The following SLC4A1AP variants were observed in gnomAD, a reference collection of about 807,000 sequenced individuals.
The protein encoded by SLC4A1AP is solute carrier family 4 member 1 adaptor protein.
In SLC4A1AP, 64 loss-of-function variants were observed where a neutral mutation model predicts 89.7. The observed-to-expected ratio is 0.71, with a 90% CI of 0.58 to 0.88. SLC4A1AP has a LOEUF of 0.88. SLC4A1AP is among the 40% of genes least tolerant of loss of function. The probability of loss-of-function intolerance (pLI) is 0.00; values close to 1 mark genes in which losing one functional copy is unlikely to be tolerated. For synonymous variants in SLC4A1AP, 366 were observed against 353.3 expected (o/e 1.04, Z -0.40); for missense variants, 931 against 965.0 (o/e 0.96, Z 0.47).
intron 11 of SLC4A1AP, 32 bp from the exon 12 acceptor site, chr2:27,688,668 T>C (rs1675743774): frequency 2.0e-6 from 3 of 1,466,888 alleles, no homozygotes; most frequent in Non-Finnish European, 2.8e-6. Context: ...ATACTGAAAA[T>C]AGCTATTGCC....
chr2:27,679,538 C>G (rs889660777), intron 8 of SLC4A1AP, among the ~76,000 whole-genome samples: 3 of 152,020 alleles, frequency 2.0e-5, no homozygotes, highest in Non-Finnish European at 4.4e-5. Flanking sequence ...GAAGGTGGAG[C>G]TGGCAGTGAG....
At chr2:27,682,917 T>A (rs1675643821) in intron 9 of SLC4A1AP, among the ~76,000 whole-genome samples, 1 of 152,236 alleles carries the variant, frequency 6.6e-6, no homozygotes, top group Admixed American at 6.5e-5. Context: ...TAAATTAGAA[T>A]CATAGTTTAT....
intron 8 of SLC4A1AP, among the ~76,000 whole-genome samples, chr2:27,681,044 G>T (rs925316676): frequency 5.3e-5 from 8 of 152,064 alleles, no homozygotes; most frequent in Non-Finnish European, 1.0e-4. Flanking sequence ...AAGCAATCTT[G>T]ATTGTGATTC....
intron 12 of SLC4A1AP, 82 bp from the exon 13 acceptor site, chr2:27,693,603 A>G (rs898202288): frequency 6.4e-6 from 7 of 1,093,106 alleles, no homozygotes; most frequent in East Asian, 2.6e-5. Flanking sequence ...GAGGCTAACA[A>G]TAGGACCCCA....
Position 27,667,250 on chromosome 2 carries a change from C to CT in SLC4A1AP, c.1022-14dup. 6.3e-7 allele frequency: 1 copy of CT among 1,594,040 alleles called. No individual in the cohort carries two copies. Among genetic ancestry groups the CT allele is most frequent in the Non-Finnish European group, 8.5e-7 (1 of 1,172,626 alleles). On this transcript the variant is annotated splice_polypyrimidine_tract_variant and intron_variant, in intron 2 of 13. Transcript: ENST00000613058. ...TCTCATGTCTGATTATCTTTTCTTT[C>CT]TTTTCCATATCCTGTAGGAGAAGAT...
At chr2:27,678,180 C>T (rs1166435816) in intron 8 of SLC4A1AP, among the ~76,000 whole-genome samples, 1 of 152,004 alleles carries the variant, frequency 6.6e-6, no homozygotes, top group Non-Finnish European at 1.5e-5. Context: ...GTTTTTTTTA[C>T]TTAATCTTTT....
In SLC4A1AP at chr2:27,664,248, C is replaced by G. The variant is rs762039280; in HGVS notation, c.496C>G (p.Pro166Ala). The G allele has an allele frequency of 3.7e-6, 6 of 1,614,204 alleles. No homozygotes were observed. In the South Asian group the frequency reaches 4.4e-5, roughly 12 times the overall value. Residue 166 changes from proline (P) to alanine (A), a missense_variant, in exon 1 of 14, where the codon CCC becomes GCC. Coordinates refer to ENST00000613058, the Ensembl canonical transcript of SLC4A1AP. ...TCCATGGGGTGGCCCTGCCACAGCC[C>G]CCTACAGCTTAGAGACCCTGAAGGG...
chr2:27,665,160 C>G, exon 2 of SLC4A1AP: 1 of 1,613,106 alleles, frequency 6.2e-7, no homozygotes, highest in Non-Finnish European at 8.5e-7. Flanking sequence ...GAAGGAATTG[C>G]GCAAGCAGCA....
chr2:27,673,429 TCCC>T (rs1675461811), intron 5 of SLC4A1AP, among the ~76,000 whole-genome samples: 2 of 51,122 alleles, frequency 3.9e-5, no homozygotes, highest in East Asian at 6.5e-4. Flanking sequence ...CCTCCCTCCC[TCCC>T]TCCCTCCCTC....
At chr2:27,694,053 C>T (rs987912698) in intron 13 of SLC4A1AP, among the ~76,000 whole-genome samples, 1 of 151,962 alleles carries the variant, frequency 6.6e-6, no homozygotes, top group African/African-American at 2.4e-5. Context: ...GGAATATATA[C>T]GGAAGTGTTT....
At chr2:27,670,537 G>A (rs1474726559) in intron 5 of SLC4A1AP, among the ~76,000 whole-genome samples, 1 of 151,886 alleles carries the variant, frequency 6.6e-6, no homozygotes, top group Non-Finnish European at 1.5e-5. Flanking sequence ...AGTTTTTTCA[G>A]TTATTTATTC....
intron 1 of SLC4A1AP, 54 bp downstream of exon 1, chr2:27,664,631 T>C (rs908283451): frequency 1.3e-5 from 18 of 1,362,460 alleles, no homozygotes; most frequent in South Asian, 7.9e-5. Flanking sequence ...TGCGTTCTTG[T>C]GCTTCTTAAG....
chr2:27,673,262 ACTTT>A (rs980970715), intron 5 of SLC4A1AP, among the ~76,000 whole-genome samples: 18 of 151,832 alleles, frequency 1.2e-4, no homozygotes, highest in African/African-American at 4.4e-4. Context: ...TCATCTGTCT[ACTTT>A]CTAATTTTCT....
intron 11 of SLC4A1AP, 29 bp downstream of exon 11, chr2:27,688,049 C>T: frequency 6.3e-7 from 1 of 1,580,454 alleles, no homozygotes; most frequent in Non-Finnish European, 8.7e-7. Context: ...TTCATTGCTG[C>T]TCTGCACACA....
chr2:27,681,146 C>T (rs747735328), intron 8 of SLC4A1AP, among the ~76,000 whole-genome samples: 70 of 152,178 alleles, frequency 4.6e-4, no homozygotes, highest in Non-Finnish European at 8.5e-4. Flanking sequence ...ATCTGTGTTG[C>T]TGTTGCTTCT....
rs756259698 is a variant in SLC4A1AP, at chr2:27,664,438, C to T, written c.686C>T (p.Pro229Leu). 2.4e-5 allele frequency: 39 copies of T among 1,614,104 alleles called. No homozygotes were observed. In the South Asian group the frequency reaches 4.2e-4, roughly 17 times the overall value. The change falls in exon 1 of 14, where the codon CCG (proline) becomes CTG (leucine). Residue 229 changes from proline (P) to leucine (L), a missense_variant. By Grantham distance (98) the Pro-to-Leu change is moderately conservative. Coordinates refer to ENST00000613058, the Ensembl canonical transcript of SLC4A1AP. ...GACGGAGAATGCGACAGCAACGGGC[C>T]GGGCTTCTACCTCTACGATCTGGGA...
At chr2:27,666,349 TCCAC>T (rs1675319394) in intron 2 of SLC4A1AP, among the ~76,000 whole-genome samples, 2 of 2,316 alleles carry the variant, frequency 8.6e-4, no homozygotes, top group Non-Finnish European at 2.4e-3. Flanking sequence ...GACCTTGTGA[TCCAC>T]CCCCCACCCC....
chr2:27,666,109 A>G (rs762105007), intron 2 of SLC4A1AP, among the ~76,000 whole-genome samples: 1 of 152,216 alleles, frequency 6.6e-6, no homozygotes, highest in Non-Finnish European at 1.5e-5. Flanking sequence ...AAAGAATGTA[A>G]AATATCTCTT....
intron 5 of SLC4A1AP, among the ~76,000 whole-genome samples, chr2:27,674,227 C>T (rs533459631): frequency 6.6e-6 from 1 of 152,138 alleles, no homozygotes; most frequent in South Asian, 2.1e-4. Flanking sequence ...GGCTTTGGTC[C>T]TATGACTATC....
Sources: allele counts gnomAD v4.1 joint callset (sites outside exome capture counted in the v4.1 genomes callset), GRCh38; gene constraint gnomAD v4.1.1; transcripts MANE v1.5; gene names NCBI Gene and HGNC (gene_info 2026-07-23, HGNC 2026-07-21).